STK3: variants seen among roughly 807,000 people sequenced by gnomAD.
STK3 encodes the protein serine/threonine-protein kinase 3.
In STK3, 41 loss-of-function variants were observed where a neutral mutation model predicts 58.0. That is an observed-to-expected ratio of 0.71 (90% CI 0.55 to 0.92). The LOEUF (loss-of-function observed/expected upper bound fraction) is 0.92. STK3 is among the 40% of genes least tolerant of loss of function. The pLI, the probability that STK3 is intolerant of heterozygous loss-of-function variation, is 0.00. For missense variants in STK3, 479 were observed against 602.7 expected (o/e 0.79, Z 2.15); for synonymous variants, 170 against 191.0 (o/e 0.89, Z 0.91).
downstream of STK3, among the ~76,000 whole-genome samples, chr8:98,452,388 G>T (rs1378788141): frequency 2.0e-5 from 3 of 152,136 alleles, no homozygotes; most frequent in Non-Finnish European, 2.9e-5. Context: ...TCTCCAATTT[G>T]TATTTGCCAA....
chr8:98,801,533 C>T (rs1396546996), intron 1 of STK3, among the ~76,000 whole-genome samples: 3 of 152,076 alleles, frequency 2.0e-5, no homozygotes, highest in Non-Finnish European at 2.9e-5. Context: ...ATGAACCCAC[C>T]GGGAGGAATG....
intron 3 of STK3, among the ~76,000 whole-genome samples, chr8:98,751,718 T>A (rs145859916): frequency 0.031 from 4,739 of 152,198 alleles, 96 homozygotes; most frequent in Middle Eastern, 0.068. Context: ...TTTGAGAGGA[T>A]CACTTGAGGT....
At chr8:98,556,583 G>T (rs946298883) in intron 8 of STK3, among the ~76,000 whole-genome samples, 5 of 152,084 alleles carry the variant, frequency 3.3e-5, no homozygotes, top group African/African-American at 1.2e-4. Flanking sequence ...GGAAAGCAAT[G>T]AGTAAGTTTG....
intron 3 of STK3, among the ~76,000 whole-genome samples, chr8:98,831,129 A>G (rs1835520650): frequency 6.6e-6 from 1 of 152,168 alleles, no homozygotes; most frequent in Non-Finnish European, 1.5e-5. Context: ...AGAAATCTGC[A>G]ATTTGAGATC....
rs116280837 is a variant in STK3 at position 98,521,128 on chromosome 8, C to T, written c.1317+5614G>A. On this transcript the variant is annotated intron_variant, in intron 10 of 10. Coordinates refer to ENST00000419617, the MANE Select transcript of STK3 (RefSeq NM_006281.4). ...AAGTGATGAGAGGGTTGAGCAGTTC[C>T]AGTTGACAGGTGTAATAAATGTTGA... 5.4e-3 allele frequency among the ~76,000 whole-genome samples: 816 copies of T among 152,260 alleles called. 9 individuals carry two copies. Among genetic ancestry groups the T allele is most frequent in the African/African-American group, 0.019 (787 of 41,554 alleles).
chr8:98,385,165 C>T (rs577928133), intron 1 of STK3, among the ~76,000 whole-genome samples: 33 of 152,122 alleles, frequency 2.2e-4, no homozygotes, highest in South Asian at 4.2e-4. Flanking sequence ...TTGATGGGTC[C>T]CCGAGAAGAA....
At chr8:98,614,752 G>T (rs1411371665) in intron 6 of STK3, among the ~76,000 whole-genome samples, 3 of 152,118 alleles carry the variant, frequency 2.0e-5, no homozygotes, top group Admixed American at 6.5e-5. Flanking sequence ...TTTTCAGACC[G>T]GCTTAAAAAA....
intron 1 of STK3, among the ~76,000 whole-genome samples, chr8:98,923,852 T>TGCGCGC (rs1491328554): frequency 3.8e-4 from 49 of 128,290 alleles, no homozygotes; most frequent in Non-Finnish European, 7.0e-4. Context: ...TGTGTGTGTG[T>TGCGCGC]GTGCGCGCGC....
chr8:98,912,343 A>G, intron 1 of STK3, among the ~76,000 whole-genome samples: 1 of 152,076 alleles, frequency 6.6e-6, no homozygotes, highest in East Asian at 1.9e-4. Context: ...GCGCCACTGC[A>G]CTCCAGCCTG....
intron 1 of STK3, among the ~76,000 whole-genome samples, chr8:98,910,593 T>C (rs1839091114): frequency 6.6e-6 from 1 of 152,248 alleles, no homozygotes; most frequent in Non-Finnish European, 1.5e-5. Flanking sequence ...CTGTCTTTTA[T>C]TGGATATATG....
chr8:98,548,304 CAAAT>C (rs1810887541), intron 8 of STK3, 143 bp from the exon 9 acceptor site: 1 of 584,458 alleles, frequency 1.7e-6, no homozygotes, highest in Non-Finnish European at 2.5e-6. Flanking sequence ...TACATACATA[CAAAT>C]GTTATTTTAA....
At chr8:98,718,542 T>C (rs1196315738) in intron 4 of STK3, among the ~76,000 whole-genome samples, 1 of 152,178 alleles carries the variant, frequency 6.6e-6, no homozygotes. Context: ...TAACCACACA[T>C]GGCTCCTAAA....
intron 8 of STK3, among the ~76,000 whole-genome samples, chr8:98,548,941 C>T (rs911404710): frequency 2.0e-5 from 3 of 152,160 alleles, no homozygotes; most frequent in Non-Finnish European, 4.4e-5. Flanking sequence ...AGAAAAATTT[C>T]ATTCCTTTTT....
intron 3 of STK3, among the ~76,000 whole-genome samples, chr8:98,876,292 G>A (rs1225916508): frequency 6.6e-6 from 1 of 152,192 alleles, no homozygotes. Context: ...AGGCTCACTT[G>A]ATTGCTTGAA....
intron 10 of STK3, among the ~76,000 whole-genome samples, chr8:98,458,139 G>GCA (rs1315094281): frequency 5.3e-5 from 8 of 151,328 alleles, no homozygotes; most frequent in Admixed American, 1.3e-4. Context: ...ACACACATGT[G>GCA]CACACACACA....
At chr8:98,748,278 A>C (rs1829766690) in intron 4 of STK3, among the ~76,000 whole-genome samples, 1 of 152,150 alleles carries the variant, frequency 6.6e-6, no homozygotes, top group African/African-American at 2.4e-5. Flanking sequence ...GATTTACATA[A>C]ATGCTAGTTA....
downstream of STK3, among the ~76,000 whole-genome samples, chr8:98,366,258 TA>T (rs1190402647): frequency 5.3e-5 from 8 of 152,238 alleles, no homozygotes; most frequent in Non-Finnish European, 1.0e-4. Flanking sequence ...TTCATAGGTA[TA>T]TTGGACATTC....
At chr8:98,703,552 C>T (rs565755556) in intron 6 of STK3, among the ~76,000 whole-genome samples, 81 of 152,292 alleles carry the variant, frequency 5.3e-4, no homozygotes, top group African/African-American at 1.8e-3. Context: ...CCCCACATGA[C>T]GGCTATGCAG....
chr8:98,429,336 A>G, intron 3 of STK3: 2 of 1,614,168 alleles, frequency 1.2e-6, no homozygotes, highest in South Asian at 1.1e-5. Context: ...CCATAAAGTT[A>G]AATCCCTTAT....
Sources: allele counts gnomAD v4.1 joint callset (sites outside exome capture counted in the v4.1 genomes callset), GRCh38; gene constraint gnomAD v4.1.1; transcripts MANE v1.5; gene names NCBI Gene and HGNC (gene_info 2026-07-23, HGNC 2026-07-21).